Variants in PSD3 observed in about 807,000 individuals in gnomAD.
The protein encoded by PSD3 is PH and SEC7 domain-containing protein 3.
In PSD3, 49 loss-of-function variants were observed where a neutral mutation model predicts 105.5. That is an observed-to-expected ratio of 0.46 (90% confidence interval 0.37 to 0.59). The LOEUF is 0.59. Among genes scored for constraint, PSD3 ranks in the 20% least tolerant of loss-of-function variants. The pLI is 0.00. For synonymous variants in PSD3, 557 were observed against 457.8 expected (o/e 1.22, Z -2.77); for missense variants, 1,561 against 1,263.8 (o/e 1.24, Z -3.57).
At chr8:18,790,305 C>CA (rs1052440414) in intron 8 of PSD3, among the ~76,000 whole-genome samples, 2 of 133,400 alleles carry the variant, frequency 1.5e-5, no homozygotes, top group African/African-American at 2.9e-5. Context: ...TTTTTCTTTT[C>CA]TTTTTTTTTT....
intron 9 of PSD3, among the ~76,000 whole-genome samples, chr8:18,716,193 A>G (rs1367759188): frequency 1.3e-5 from 2 of 152,164 alleles, no homozygotes; most frequent in Non-Finnish European, 2.9e-5. Flanking sequence ...GGTCAAAGAA[A>G]AACTTCAAGG....
chr8:18,820,787 A>G (rs1285150924), intron 4 of PSD3, among the ~76,000 whole-genome samples: 1 of 152,192 alleles, frequency 6.6e-6, no homozygotes, highest in Non-Finnish European at 1.5e-5. Flanking sequence ...CTTTTGAGAC[A>G]GCATCCTGCT....
Position 18,816,692 on chromosome 8 carries a change from G to T in PSD3, c.1635-11794C>A, listed in dbSNP as rs111866959. 6.4e-3 allele frequency among the ~76,000 whole-genome samples: 982 copies of T among 152,280 alleles called. 9 individuals are homozygous for T. The highest frequency in any genetic ancestry group is 0.023 in the African/African-American group (938 of 41,558). On this transcript the variant is annotated intron_variant, in intron 4 of 15. Coordinates refer to ENST00000327040, the MANE Select transcript of PSD3 (RefSeq NM_015310.4). ...TGGACTTTTACCTTCTAATAAGAGA[G>T]AGAAACAATAAAATACATGAAGAGT...
At chr8:18,735,082 T>C (rs554262418) in intron 9 of PSD3, among the ~76,000 whole-genome samples, 1 of 152,310 alleles carries the variant, frequency 6.6e-6, no homozygotes, top group African/African-American at 2.4e-5. Context: ...AACTGTTTAC[T>C]AAAACTAGGG....
chr8:18,620,620 G>T (rs562917477), intron 11 of PSD3, among the ~76,000 whole-genome samples: 1 of 152,162 alleles, frequency 6.6e-6, no homozygotes, highest in East Asian at 1.9e-4. Flanking sequence ...GAGGTAGGGG[G>T]GACTGCTTGA....
At chr8:18,687,489 T>A (rs1255867292) in intron 9 of PSD3, among the ~76,000 whole-genome samples, 1 of 151,692 alleles carries the variant, frequency 6.6e-6, no homozygotes, top group African/African-American at 2.4e-5. Flanking sequence ...TTAGCAGTTT[T>A]TTTTTTTTCT....
At chr8:18,822,255 C>T (rs1047421011) in intron 4 of PSD3, among the ~76,000 whole-genome samples, 6 of 152,046 alleles carry the variant, frequency 3.9e-5, no homozygotes, top group Non-Finnish European at 7.4e-5. Context: ...GTACATGATA[C>T]AAAGAAATAT....
At chr8:18,940,432 A>G (rs1433177602) in intron 1 of PSD3, 1 of 152,236 alleles carries the variant, frequency 6.6e-6, no homozygotes, top group Non-Finnish European at 1.5e-5. Context: ...AGCCGTGTTC[A>G]AAGTACGCTC....
chr8:18,671,134 C>T (rs186993173), intron 9 of PSD3, among the ~76,000 whole-genome samples: 2 of 152,078 alleles, frequency 1.3e-5, no homozygotes, highest in African/African-American at 2.4e-5. Context: ...GCAGCAAAGG[C>T]AGGAAAAAAG....
chr8:18,733,026 T>G (rs977321706), intron 9 of PSD3: 2 of 152,160 alleles, frequency 1.3e-5, no homozygotes, highest in Non-Finnish European at 2.9e-5. Context: ...AAACGTGCAA[T>G]GCAGACTATA....
intron 10 of PSD3, among the ~76,000 whole-genome samples, chr8:18,643,134 G>T (rs1454460320): frequency 6.6e-6 from 1 of 152,090 alleles, no homozygotes; most frequent in Non-Finnish European, 1.5e-5. Flanking sequence ...CAAAGTCAAG[G>T]GTCCTGAATC....
chr8:18,799,125 A>G (rs1161882389), intron 8 of PSD3, 170 bp downstream of exon 8: 6 of 612,468 alleles, frequency 9.8e-6, no homozygotes, highest in Non-Finnish European at 1.7e-5. Context: ...CTGTGCTAGC[A>G]TGTGAAATAA....
chr8:18,883,602 A>G lies in PSD3; in HGVS notation c.131-10869T>C, dbSNP rs151113165. 1.9e-3 allele frequency among the ~76,000 whole-genome samples: 289 copies of G among 152,302 alleles called. 1 individual carries two copies. Among genetic ancestry groups the G allele is most frequent in the African/African-American group, 6.6e-3 (273 of 41,552 alleles). ...TATTATTTGTACACAGCCTTAAAAA[A>G]ATTACTTTGGAGCTTAAAGAAATGG... On this transcript the variant is annotated intron_variant, in intron 2 of 15. Coordinates refer to ENST00000327040, the MANE Select transcript of PSD3 (RefSeq NM_015310.4).
At chr8:18,609,872 A>G (rs901061805) in intron 11 of PSD3, among the ~76,000 whole-genome samples, 4 of 152,244 alleles carry the variant, frequency 2.6e-5, no homozygotes, top group Admixed American at 2.0e-4. Flanking sequence ...CAGCTCAGGC[A>G]CTTTTAGATT....
intron 2 of PSD3, among the ~76,000 whole-genome samples, chr8:18,900,915 C>T (rs143332533): frequency 6.6e-6 from 1 of 152,080 alleles, no homozygotes; most frequent in African/African-American, 2.4e-5. Context: ...GCAATAGCAA[C>T]AACAGGTGGC....
intron 12 of PSD3, among the ~76,000 whole-genome samples, chr8:18,580,315 C>T (rs1326907844): frequency 1.3e-5 from 2 of 152,148 alleles, no homozygotes; most frequent in African/African-American, 4.8e-5. Context: ...TTGCTGTCAT[C>T]ACAGTCTGGG....
At chr8:19,041,234 T>C (rs1194912393) in intron 1 of PSD3, among the ~76,000 whole-genome samples, 2 of 152,174 alleles carry the variant, frequency 1.3e-5, no homozygotes, top group African/African-American at 4.8e-5. Context: ...TCATCTACTT[T>C]TATGGCCCAC....
intron 1 of PSD3, among the ~76,000 whole-genome samples, chr8:18,954,585 A>T (rs930107906): frequency 6.6e-5 from 10 of 152,164 alleles, no homozygotes; most frequent in African/African-American, 2.4e-4. Flanking sequence ...CTGGTCGGAG[A>T]AGAATACCAA....
intron 3 of PSD3, among the ~76,000 whole-genome samples, chr8:18,871,018 G>C (rs1055292583): frequency 1.3e-5 from 2 of 152,154 alleles, no homozygotes; most frequent in African/African-American, 4.8e-5. Flanking sequence ...AGGATCTCTT[G>C]AGCCTGGAAG....
Sources: gnomAD v4.1 joint callset for allele counts (sites outside exome capture counted in the v4.1 genomes callset) on GRCh38, gnomAD v4.1.1 for gene constraint, MANE v1.5 for transcripts, NCBI Gene and HGNC (gene_info 2026-07-23, HGNC 2026-07-21) for gene names.